Variants in ADGRL4 observed in about 807,000 individuals in gnomAD.
The protein encoded by ADGRL4 is EGF, latrophilin and seven transmembrane domain containing 1.
In ADGRL4, 90 loss-of-function variants were observed where a neutral mutation model predicts 74.8. The observed-to-expected ratio is 1.20, with a 90% CI of 1.02 to 1.43. The LOEUF (loss-of-function observed/expected upper bound fraction) is 1.43. ADGRL4 is among the 40% of genes most tolerant of loss of function. The pLI is 0.00. For synonymous variants in ADGRL4, 311 were observed against 279.2 expected (o/e 1.11, Z -1.14); for missense variants, 881 against 814.3 (o/e 1.08, Z -1.00).
At chr1:78,949,667 G>C (rs1649682563) in intron 2 of ADGRL4, among the ~76,000 whole-genome samples, 1 of 152,016 alleles carries the variant, frequency 6.6e-6, no homozygotes, top group African/African-American at 2.4e-5. Context: ...AGTTTCTCTG[G>C]ATGAGTATAG....
chr1:78,892,380 G>A (rs1350943229), intron 13 of ADGRL4, among the ~76,000 whole-genome samples: 1 of 152,012 alleles, frequency 6.6e-6, no homozygotes, highest in Non-Finnish European at 1.5e-5. Context: ...TGCTCACTAA[G>A]GACATTGCCT....
At chr1:78,904,989 A>G (rs1570215694) in intron 12 of ADGRL4, among the ~76,000 whole-genome samples, 1 of 152,094 alleles carries the variant, frequency 6.6e-6, no homozygotes, top group South Asian at 2.1e-4. Flanking sequence ...ATGTGTATTT[A>G]TTCAACAATT....
intron 2 of ADGRL4, among the ~76,000 whole-genome samples, chr1:78,996,596 C>A (rs114475830): frequency 6.6e-6 from 1 of 151,998 alleles, no homozygotes; most frequent in Non-Finnish European, 1.5e-5. Flanking sequence ...TTTATTTTAT[C>A]CTCTGCTAAA....
chr1:78,897,967 T>C (rs1036061463), intron 12 of ADGRL4, among the ~76,000 whole-genome samples: 7 of 152,044 alleles, frequency 4.6e-5, no homozygotes, highest in African/African-American at 1.4e-4. Flanking sequence ...AAAGAATCAG[T>C]ATCACCTAAA....
rs143827288 is a variant in ADGRL4 at position 78,950,338 on chromosome 1, A to G, written c.173-3912T>C. Among the ~76,000 whole-genome samples, 16 of 152,242 alleles carry G rather than the reference A, an allele frequency of 1.1e-4. 1 individual carries two copies. The highest frequency in any genetic ancestry group is 3.4e-4 in the African/African-American group (14 of 41,568). On this transcript the variant is annotated intron_variant, in intron 2 of 14. Coordinates refer to ENST00000370742, the MANE Select transcript of ADGRL4 (RefSeq NM_022159.4). ...CTGTCAGACACTGGGCAGGAGGGTA[A>G]CGGCTTCAGGGCAAGAATCTGTGCA...
intron 4 of ADGRL4, among the ~76,000 whole-genome samples, chr1:78,938,600 C>T (rs1190953923): frequency 1.3e-5 from 2 of 151,994 alleles, no homozygotes; most frequent in Non-Finnish European, 2.9e-5. Flanking sequence ...ATGAATCTAC[C>T]TTAATACTTA....
At chr1:78,939,472 A>G (rs935485818) in intron 3 of ADGRL4, among the ~76,000 whole-genome samples, 3 of 152,082 alleles carry the variant, frequency 2.0e-5, no homozygotes, top group Admixed American at 2.0e-4. Context: ...TCCATAAAAT[A>G]TTATCTACAA....
intron 2 of ADGRL4, among the ~76,000 whole-genome samples, chr1:78,965,398 A>G (rs1371847395): frequency 6.6e-6 from 1 of 152,208 alleles, no homozygotes; most frequent in Non-Finnish European, 1.5e-5. Context: ...CTAATAGAAG[A>G]TAAAGCACAT....
chr1:78,988,728 A>T (rs1650546067), intron 2 of ADGRL4, among the ~76,000 whole-genome samples: 1 of 151,812 alleles, frequency 6.6e-6, no homozygotes, highest in Non-Finnish European at 1.5e-5. Flanking sequence ...GTGAGTCTAC[A>T]GATCCATGAT....
intron 2 of ADGRL4, among the ~76,000 whole-genome samples, chr1:78,974,453 A>C (rs927225105): frequency 6.6e-6 from 1 of 152,182 alleles, no homozygotes; most frequent in African/African-American, 2.4e-5. Flanking sequence ...AATGTACACA[A>C]ATGACATTTT....
chr1:78,923,558 CA>C (rs763124569), intron 8 of ADGRL4, among the ~76,000 whole-genome samples: 18 of 151,876 alleles, frequency 1.2e-4, no homozygotes, highest in Admixed American at 9.8e-4. Flanking sequence ...CAAGCTCCAA[CA>C]GCAAAGACAG....
chr1:78,909,618 C>A (rs1307418989), intron 12 of ADGRL4, among the ~76,000 whole-genome samples: 1 of 151,756 alleles, frequency 6.6e-6, no homozygotes, highest in African/African-American at 2.4e-5. Flanking sequence ...CCAATCGAAC[C>A]ATTTATTTTT....
Position 78,918,011 on chromosome 1 carries a change from A to G in ADGRL4, c.1501T>C (p.Phe501Leu). Residue 501 changes from phenylalanine to leucine, a missense_variant, in exon 11 of 15, where the codon TTT becomes CTT. Phe to Leu is a conservative substitution (Grantham distance 22). Coordinates refer to ENST00000370742, the MANE Select transcript of ADGRL4 (RefSeq NM_022159.4). ...CACATCCATGCAAAAGCAGCTAAAAAGAAGTAGTGTAGCAGTCCGGCAATG... is the reference window on the plus strand; with the variant it reads ...CACATCCATGCAAAAGCAGCTAAAAGGAAGTAGTGTAGCAGTCCGGCAATG... The part of the protein sequence containing the change: ...SIIAGLLHYF[F>L]LAAFAWMCIE... 2 of 1,612,390 alleles carry G rather than the reference A, an allele frequency of 1.2e-6. No individual in the cohort carries two copies. The highest frequency in any genetic ancestry group is 1.7e-6 in the Non-Finnish European group (2 of 1,178,926).
chr1:78,965,464 G>T (rs1432457349), intron 2 of ADGRL4, among the ~76,000 whole-genome samples: 1 of 152,054 alleles, frequency 6.6e-6, no homozygotes, highest in African/African-American at 2.4e-5. Context: ...ACAATCAAGT[G>T]TTAATTTAAA....
chr1:78,891,680 T>C lies in ADGRL4; in HGVS notation c.1854A>G (p.Arg618=), dbSNP rs1004550598. Residue 618 remains arginine (R), a synonymous_variant, in exon 14 of 15, where the codon AGA becomes AGG. Transcript: ENST00000370742. ...GAAGGAACAGAAGAGCGAGGGCTCC[T>C]CTTGCACAAGACCTATCACATATGA... is the stretch of plus-strand genomic sequence containing the variant. ...SCFENIRSCA[R]GALALLFLLG... The C allele has an allele frequency of 1.2e-6, 2 of 1,611,516 alleles. No individual in the cohort carries two copies. The highest frequency in any genetic ancestry group is 2.7e-5 in the African/African-American group (2 of 74,792).
At chr1:78,981,881 A>T (rs1023050846) in intron 2 of ADGRL4, among the ~76,000 whole-genome samples, 2 of 151,826 alleles carry the variant, frequency 1.3e-5, no homozygotes, top group Non-Finnish European at 2.9e-5. Flanking sequence ...ATTACAGCAC[A>T]ATTTACTATT....
intron 2 of ADGRL4, among the ~76,000 whole-genome samples, chr1:78,964,910 T>C (rs1650023711): frequency 6.6e-6 from 1 of 152,174 alleles, no homozygotes; most frequent in African/African-American, 2.4e-5. Context: ...GTCACTCAAT[T>C]CTATTTTGTG....
intron 8 of ADGRL4, among the ~76,000 whole-genome samples, chr1:78,922,984 T>C (rs1649032987): frequency 6.6e-6 from 1 of 151,962 alleles, no homozygotes; most frequent in South Asian, 2.1e-4. Context: ...AGATGCTAAA[T>C]ACAACCCTTA....
At position 78,938,181 on chromosome 1, in the gene ADGRL4, T is replaced by C; in HGVS notation, c.495A>G (p.Ile165Met). The C allele has an allele frequency of 6.2e-7, 1 of 1,612,238 alleles. No homozygotes were observed. Among genetic ancestry groups the C allele is most frequent in the South Asian group, 1.1e-5 (1 of 90,598 alleles). ...SPTDIITYIE[I>M]LAESSSLLGY... ...CTAGTAATGAAGATGATTCAGCTAA[T>C]ATTTCTATATATGTAATTATATCTG... is the stretch of plus-strand genomic sequence containing the variant. Residue 165 changes from isoleucine (I) to methionine (M), a missense_variant, in exon 5 of 15, where the codon ATA becomes ATG. Transcript: ENST00000370742.
Sources: allele counts gnomAD v4.1 joint callset (sites outside exome capture counted in the v4.1 genomes callset), GRCh38; gene constraint gnomAD v4.1.1; transcripts MANE v1.5; gene names NCBI Gene and HGNC (gene_info 2026-07-23, HGNC 2026-07-21).